LIPA: variants seen among roughly 807,000 people sequenced by gnomAD.
LIPA encodes the protein lysosomal acid lipase/cholesteryl ester hydrolase.
In LIPA, 26 loss-of-function variants were observed where a neutral mutation model predicts 40.6. That is an observed-to-expected ratio of 0.64 (90% CI 0.47 to 0.89). LIPA has a LOEUF of 0.89. Among genes scored for constraint, LIPA ranks in the 40% least tolerant of loss-of-function variants. The pLI, the probability that LIPA is intolerant of heterozygous loss-of-function variation, is 0.00. For synonymous variants in LIPA, 188 were observed against 168.4 expected, an observed-to-expected ratio of 1.12 and a Z score of -0.90; for missense variants, 455 against 479.6, an observed-to-expected ratio of 0.95 and a Z score of 0.48.
intron 1 of LIPA, among the ~76,000 whole-genome samples, chr10:89,291,382 C>T (rs1843373814): frequency 6.6e-6 from 1 of 152,142 alleles, no homozygotes; most frequent in Non-Finnish European, 1.5e-5. Flanking sequence ...TTCCCAGTCT[C>T]CAGAGGTAAC....
chr10:89,306,934 T>G lies in LIPA; in HGVS notation c.-2+35677A>C, dbSNP rs926080408. The stretch of plus-strand genomic sequence containing the variant: ...ACGCTGTGGCTCATCTGAAGAAAGC[T>G]GATGAGGCCAATGATAATCTCTTCC... On this transcript the variant is annotated intron_variant, in intron 1 of 5. Transcript: ENST00000282673. The G allele has an allele frequency of 2.5e-6, 4 of 1,613,902 alleles. No individual in the cohort carries two copies. In the African/African-American group the frequency reaches 5.3e-5, roughly 22 times the overall value.
intron 1 of LIPA, among the ~76,000 whole-genome samples, chr10:89,313,777 G>C (rs896041136): frequency 1.3e-5 from 2 of 152,100 alleles, no homozygotes; most frequent in Non-Finnish European, 2.9e-5. Flanking sequence ...GTGACAAAAG[G>C]CAATTTAAAA....
intron 1 of LIPA, chr10:89,339,318 T>G: frequency 6.2e-7 from 1 of 1,613,684 alleles, no homozygotes; most frequent in Non-Finnish European, 8.5e-7. Context: ...AGAAGATGAA[T>G]AAAGAAGCTG....
chr10:89,221,890 G>A (rs1429791065), intron 8 of LIPA, among the ~76,000 whole-genome samples: 1 of 151,618 alleles, frequency 6.6e-6, no homozygotes, highest in African/African-American at 2.4e-5. Context: ...TAGGGTTATA[G>A]AATGATTTTA....
chr10:89,387,317 C>CAA (rs565296927), intron 2 of LIPA, among the ~76,000 whole-genome samples: 18,707 of 83,282 alleles, frequency 0.22, 1,926 homozygotes, highest in East Asian at 0.48. Context: ...GACTCCGTCT[C>CAA]AAAAAAAAAA....
At chr10:89,365,824 A>G (rs1256339532) in intron 2 of LIPA, among the ~76,000 whole-genome samples, 1 of 152,166 alleles carries the variant, frequency 6.6e-6, no homozygotes, top group Non-Finnish European at 1.5e-5. Flanking sequence ...CTGTTTTGGT[A>G]AAAGTACCAT....
At chr10:89,286,782 A>G (rs1374236104) in intron 1 of LIPA, among the ~76,000 whole-genome samples, 1 of 152,268 alleles carries the variant, frequency 6.6e-6, no homozygotes, top group Non-Finnish European at 1.5e-5. Context: ...GATTTAATTA[A>G]CCTTGCCTTC....
chr10:89,364,116 CTG>C (rs1844042315), intron 2 of LIPA, among the ~76,000 whole-genome samples: 2 of 152,312 alleles, frequency 1.3e-5, no homozygotes, highest in Non-Finnish European at 2.9e-5. Flanking sequence ...CAACATAAAA[CTG>C]TTTGGTGGCA....
intron 2 of LIPA, chr10:89,403,450 A>G: frequency 6.2e-7 from 1 of 1,613,874 alleles, no homozygotes. Context: ...GAATTTCAAA[A>G]GAAATCTGAC....
intron 2 of LIPA, among the ~76,000 whole-genome samples, chr10:89,388,255 G>C (rs1158909412): frequency 2.0e-5 from 3 of 152,124 alleles, no homozygotes; most frequent in Admixed American, 6.5e-5. Context: ...ACAGGTGGGT[G>C]CCACCACACC....
At chr10:89,330,438 T>G (rs1291109231) in intron 1 of LIPA, among the ~76,000 whole-genome samples, 1 of 152,190 alleles carries the variant, frequency 6.6e-6, no homozygotes, top group African/African-American at 2.4e-5. Context: ...CTTAATGCTT[T>G]CAACTATGCT....
chr10:89,371,758 G>C (rs1432100852), intron 2 of LIPA, among the ~76,000 whole-genome samples: 1 of 152,104 alleles, frequency 6.6e-6, no homozygotes, highest in Non-Finnish European at 1.5e-5. Flanking sequence ...TTTACCATTG[G>C]AACCTTAAAC....
intron 1 of LIPA, among the ~76,000 whole-genome samples, chr10:89,313,159 T>C (rs568509591): frequency 6.6e-6 from 1 of 152,232 alleles, no homozygotes; most frequent in Non-Finnish European, 1.5e-5. Context: ...TGTTAAAATG[T>C]AGACTATGAT....
chr10:89,249,214 C>T (rs1445168788), intron 1 of LIPA, among the ~76,000 whole-genome samples: 4 of 152,230 alleles, frequency 2.6e-5, no homozygotes, highest in African/African-American at 9.7e-5. Flanking sequence ...CCGTCTCTCT[C>T]CTTCTGAAAT....
intron 1 of LIPA, among the ~76,000 whole-genome samples, chr10:89,300,952 C>T (rs1425723663): frequency 6.6e-6 from 1 of 151,964 alleles, no homozygotes; most frequent in Non-Finnish European, 1.5e-5. Flanking sequence ...CACTGCACTC[C>T]AGCCTGAAAA....
chr10:89,237,765 C>G (rs140268125), intron 3 of LIPA, among the ~76,000 whole-genome samples: 2 of 152,328 alleles, frequency 1.3e-5, no homozygotes, highest in East Asian at 3.9e-4. Context: ...TAAGGGACTG[C>G]CTTTCAAAGT....
In LIPA at chr10:89,368,640, T is replaced by C. The variant is rs182574341; in HGVS notation, c.61+44151A>G. Among the ~76,000 whole-genome samples, 39 of 152,294 alleles carry C rather than the reference T, an allele frequency of 2.6e-4. No individual in the cohort carries two copies. The East Asian group carries it at 6.9e-3, about 27-fold the overall frequency. On this transcript the variant is annotated intron_variant, in intron 2 of 8. Coordinates refer to the LIPA transcript ENST00000371837. ...ATATACTTATTGAGCTCTCAATGTATGTAAGATATAAACATGGTGACAAAA... is the reference window on the plus strand; with the variant it reads ...ATATACTTATTGAGCTCTCAATGTACGTAAGATATAAACATGGTGACAAAA...
intron 2 of LIPA, chr10:89,378,132 C>A (rs2133601013): frequency 6.2e-7 from 1 of 1,613,934 alleles, no homozygotes; most frequent in Non-Finnish European, 8.5e-7. Context: ...ATCTTCATAG[C>A]ACCATGAGGT....
At chr10:89,344,062 G>C (rs1173547733), upstream of LIPA, among the ~76,000 whole-genome samples, 1 of 152,096 alleles carries the variant, frequency 6.6e-6, no homozygotes, top group Non-Finnish European at 1.5e-5. Flanking sequence ...GTGACCCTAA[G>C]ATATTCCTAC....
Sources: allele counts gnomAD v4.1 joint callset (sites outside exome capture counted in the v4.1 genomes callset), GRCh38; gene constraint gnomAD v4.1.1; transcripts MANE v1.5; gene names NCBI Gene and HGNC (gene_info 2026-07-23, HGNC 2026-07-21).